Variants in RWDD2B observed in about 807,000 individuals in gnomAD.
The protein encoded by RWDD2B is RWD domain-containing protein 2B.
Under a neutral mutation model 33.6 loss-of-function variants are expected in RWDD2B, and 36 were observed. The ratio of observed to expected loss-of-function variants is 1.07; its 90% CI spans 0.82 to 1.42. RWDD2B has a LOEUF of 1.42. Among genes scored for constraint, RWDD2B ranks in the 40% most tolerant of loss-of-function variants. The pLI is 0.00. For missense variants in RWDD2B, 364 were observed against 377.5 expected, an observed-to-expected ratio of 0.96 and a Z score of 0.30; for synonymous variants, 126 against 133.1, an observed-to-expected ratio of 0.95 and a Z score of 0.37.
At chr21:29,009,560 A>AT (rs1396525008) in intron 1 of RWDD2B, 1 of 151,522 alleles carries the variant, frequency 6.6e-6, no homozygotes, top group East Asian at 1.9e-4. Context: ...ACACCCGGTT[A>AT]ATTTTTTGTA....
chr21:29,011,014 G>A (rs891390553), intron 1 of RWDD2B, among the ~76,000 whole-genome samples: 3 of 152,090 alleles, frequency 2.0e-5, no homozygotes, highest in Admixed American at 6.5e-5. Context: ...ATCTCGGCTC[G>A]CTACAACCTC....
At chr21:29,014,773 A>G (rs1568871665) in intron 1 of RWDD2B, among the ~76,000 whole-genome samples, 1 of 152,244 alleles carries the variant, frequency 6.6e-6, no homozygotes, top group East Asian at 1.9e-4. Context: ...GTGAGCCGAG[A>G]TACAGCCACT....
At position 29,019,285 on chromosome 21, in the gene RWDD2B, G is replaced by A. The variant is rs762559434; in HGVS notation, c.-8C>T. 3 of 1,598,434 alleles carry A rather than the reference G, an allele frequency of 1.9e-6. No individual in the cohort carries two copies. The highest frequency in any genetic ancestry group is 1.3e-5 in the African/African-American group (1 of 74,746). ...GGACAGCTCAATTTTCATCAGAAGG[G>A]AGCCTCAAAATTCTAGCATACTGCG... On this transcript the variant is annotated 5_prime_UTR_variant, in exon 1 of 5. Transcript: ENST00000493196.
chr21:29,011,550 C>T (rs1309116596), intron 1 of RWDD2B, among the ~76,000 whole-genome samples: 1 of 149,930 alleles, frequency 6.7e-6, no homozygotes, highest in Non-Finnish European at 1.5e-5. Flanking sequence ...GGGGGGTCAG[C>T]CCCCCGCCCG....
intron 1 of RWDD2B, among the ~76,000 whole-genome samples, chr21:29,009,414 A>C: frequency 7.2e-6 from 1 of 138,162 alleles, no homozygotes. Flanking sequence ...TTTTTTTTGA[A>C]ACGGAGTCTC....
chr21:29,016,585 C>T (rs1334236047), intron 1 of RWDD2B, among the ~76,000 whole-genome samples: 1 of 151,804 alleles, frequency 6.6e-6, no homozygotes. Context: ...AAACAAAATC[C>T]TCATACATAC....
At position 29,013,637 on chromosome 21, in the gene RWDD2B, C is replaced by T. The variant is rs184172814; in HGVS notation, c.68-5016G>A. Among the ~76,000 whole-genome samples the T allele has an allele frequency of 3.7e-3, 546 of 145,902 alleles. 7 individuals are homozygous for T. The highest frequency in any genetic ancestry group is 0.013 in the African/African-American group (496 of 38,696). On this transcript the variant is annotated intron_variant, in intron 1 of 4. Coordinates refer to ENST00000493196, the MANE Select transcript of RWDD2B (RefSeq NM_016940.3). ...TCGGGAGGCGGAGCTTGCAGTGAGC[C>T]GAGATCGCGCCACTGCACTCCAGCC... is the stretch of plus-strand genomic sequence containing the variant.
At position 29,019,271 on chromosome 21, in the gene RWDD2B, T is replaced by C. The variant is rs761876548; in HGVS notation, c.7A>G (p.Ile3Val). 3 of 1,603,694 alleles carry C rather than the reference T, an allele frequency of 1.9e-6. No homozygotes were observed. Among genetic ancestry groups the C allele is most frequent in the Non-Finnish European group, 2.6e-6 (3 of 1,175,796 alleles). The change falls in exon 1 of 5, where the codon ATT becomes GTT. Residue 3 changes from isoleucine (I) to valine (V), a missense_variant. Coordinates refer to ENST00000493196, the MANE Select transcript of RWDD2B (RefSeq NM_016940.3). The part of the protein sequence containing the change: MK[I>V]ELSMQPWNPG... The stretch of plus-strand genomic sequence containing the variant: ...TTCCATGGCTGCATGGACAGCTCAA[T>C]TTTCATCAGAAGGGAGCCTCAAAAT...
At chr21:29,018,895 AATATCTTTTC>A (rs2084902218) in intron 1 of RWDD2B, among the ~76,000 whole-genome samples, 1 of 152,150 alleles carries the variant, frequency 6.6e-6, no homozygotes, top group Admixed American at 6.5e-5. Context: ...TGAGTGGAAT[AATATCTTTTC>A]CTTGCAGATT....
intron 1 of RWDD2B, among the ~76,000 whole-genome samples, chr21:29,012,334 G>T (rs534021618): frequency 3.4e-4 from 52 of 152,312 alleles, no homozygotes; most frequent in African/African-American, 1.1e-3. Context: ...ATAGAAAGGG[G>T]GGAAAGGTGG....
In RWDD2B at chr21:29,006,438, G is replaced by A; in HGVS notation, c.939C>T (p.Phe313=). 1 of 1,611,290 alleles carries A rather than the reference G, an allele frequency of 6.2e-7. No individual in the cohort carries two copies. Among genetic ancestry groups the A allele is most frequent in the Non-Finnish European group, 8.5e-7 (1 of 1,178,380 alleles). ...TKGCGDVFQM[F]FGVEGQ is the part of the protein sequence containing the mutation. ...GATGTCATTGTCCTTCTACACCAAAGAACATCTGGAAAACATCCCCACATC... is the reference window on the plus strand; with the variant it reads ...GATGTCATTGTCCTTCTACACCAAAAAACATCTGGAAAACATCCCCACATC... The change falls in exon 5 of 5, where the codon TTC becomes TTT. Residue 313 remains phenylalanine, a synonymous_variant. Coordinates refer to ENST00000493196, the MANE Select transcript of RWDD2B (RefSeq NM_016940.3).
Position 29,004,390 on chromosome 21 carries a change from T to C in RWDD2B, c.*2027A>G, listed in dbSNP as rs1213255432. ...AACTTATAAAACTACTCTGTTGCAT[T>C]CTATGTGTTTATGTGACATTTGAGA... On this transcript the variant is annotated 3_prime_UTR_variant, in exon 5 of 5. Transcript: ENST00000493196. 1 of 152,236 alleles carries C rather than the reference T, an allele frequency of 6.6e-6. No individual in the cohort carries two copies. The highest frequency in any genetic ancestry group is 1.5e-5 in the Non-Finnish European group (1 of 68,042). The allele number at this position is 152,236 out of a possible 1,614,324, so 9.4% of individuals were successfully genotyped here.
rs575905020 is a variant in RWDD2B at position 29,004,393 on chromosome 21, A to G, written c.*2024T>C. On this transcript the variant is annotated 3_prime_UTR_variant, in exon 5 of 5. Coordinates refer to ENST00000493196, the MANE Select transcript of RWDD2B (RefSeq NM_016940.3). ...TTATAAAACTACTCTGTTGCATTCT[A>G]TGTGTTTATGTGACATTTGAGATCT... The G allele has an allele frequency of 5.3e-5, 8 of 152,332 alleles. No homozygotes were observed. Among genetic ancestry groups the G allele is most frequent in the Admixed American group, 2.6e-4 (4 of 15,302 alleles). 9.4% of individuals were successfully genotyped at this position (152,332 alleles called of 1,614,324 possible).
chr21:29,010,812 C>T (rs1008987236), intron 1 of RWDD2B, among the ~76,000 whole-genome samples: 14 of 149,858 alleles, frequency 9.3e-5, no homozygotes, highest in African/African-American at 1.5e-4. Context: ...CGATTGCAGG[C>T]GCGCGCCGCC....
chr21:29,006,013 G>A lies in RWDD2B; in HGVS notation c.*404C>T, dbSNP rs1303620288. 2 of 158,756 alleles carry A rather than the reference G, an allele frequency of 1.3e-5. No individual in the cohort carries two copies. The highest frequency in any genetic ancestry group is 2.7e-5 in the Non-Finnish European group (2 of 72,804). The allele number at this position is 158,756 out of a possible 1,614,324, so 9.8% of individuals were successfully genotyped here. ...CCAGAATTCCCAAGGCCAAAGCTGT[G>A]TCCTGAGGCCACTGAGAGTTGTTAG... On this transcript the variant is annotated 3_prime_UTR_variant, in exon 5 of 5. Coordinates refer to ENST00000493196, the MANE Select transcript of RWDD2B (RefSeq NM_016940.3).
intron 1 of RWDD2B, among the ~76,000 whole-genome samples, chr21:29,013,154 C>T (rs2084872966): frequency 6.6e-6 from 1 of 151,820 alleles, no homozygotes; most frequent in African/African-American, 2.4e-5. Context: ...TCAAGCAATC[C>T]TCCTGTCTCA....
Position 29,007,989 on chromosome 21 carries a change from A to G in RWDD2B, c.497T>C (p.Val166Ala). 6.2e-7 allele frequency: 1 copy of G among 1,614,240 alleles called. No homozygotes were observed. The highest frequency in any genetic ancestry group is 8.5e-7 in the Non-Finnish European group (1 of 1,180,052). ...EWVREHASGYVSRDTSSSPTT... is the reference protein window; with the variant it reads ...EWVREHASGYASRDTSSSPTT... ...GGGTGAAGATGAAGTATCTCTGCTG[A>G]CATAGCCAGAGGCGTGTTCTCTAAC... Residue 166 changes from valine (V) to alanine (A), a missense_variant, in exon 4 of 5, where the codon GTC becomes GCC. Coordinates refer to ENST00000493196, the MANE Select transcript of RWDD2B (RefSeq NM_016940.3).
chr21:29,007,644 A>G, intron 4 of RWDD2B, 117 bp downstream of exon 4: 2 of 1,060,406 alleles, frequency 1.9e-6, no homozygotes, highest in East Asian at 2.4e-5. Context: ...ATCTTATGGC[A>G]TCACTGTTTT....
chr21:29,007,807 C>T lies in RWDD2B; in HGVS notation c.679G>A (p.Val227Ile), dbSNP rs911147469. 1.2e-6 allele frequency: 2 copies of T among 1,614,180 alleles called. No individual in the cohort carries two copies. The highest frequency in any genetic ancestry group is 1.7e-6 in the Non-Finnish European group (2 of 1,180,008). Residue 227 changes from valine to isoleucine, a missense_variant, in exon 4 of 5, where the codon GTT becomes ATT. Physicochemically the swap from Val to Ile is conservative, Grantham distance 29. Coordinates refer to ENST00000493196, the MANE Select transcript of RWDD2B (RefSeq NM_016940.3). The part of the protein sequence containing the change: ...GFSMPGKPGV[V>I]CVEGPQSACE... Reference sequence around the variant, plus strand: ...GCACTTTGTGGGCCTTCCACACAAACAACACCAGGTTTTCCAGGCATGCTA... The same window carrying T: ...GCACTTTGTGGGCCTTCCACACAAATAACACCAGGTTTTCCAGGCATGCTA...
Sources: gnomAD v4.1 joint callset for allele counts (sites outside exome capture counted in the v4.1 genomes callset) on GRCh38, gnomAD v4.1.1 for gene constraint, MANE v1.5 for transcripts, NCBI Gene and HGNC (gene_info 2026-07-23, HGNC 2026-07-21) for gene names.